The following DDX25 variants were observed in gnomAD, a reference collection of about 807,000 sequenced individuals.
The protein encoded by DDX25 is DEAD-box helicase 25.
In DDX25, 70 loss-of-function variants were observed where a neutral mutation model predicts 64.6. The ratio of observed to expected loss-of-function variants is 1.08; its 90% confidence interval spans 0.89 to 1.32. The LOEUF (loss-of-function observed/expected upper bound fraction) is 1.32, where lower values mean the gene tolerates loss of function less well. DDX25 is among the 40% of genes most tolerant of loss of function. The pLI is 0.00. For synonymous variants in DDX25, 211 were observed against 213.3 expected (o/e 0.99, Z 0.09); for missense variants, 587 against 604.4 (o/e 0.97, Z 0.30).
chr11:125,913,040 C>T (rs1452363108), intron 8 of DDX25, among the ~76,000 whole-genome samples: 3 of 151,884 alleles, frequency 2.0e-5, no homozygotes, highest in African/African-American at 7.3e-5. Context: ...CGCCTGTAGT[C>T]CCAGCTACTT....
In DDX25 at chr11:125,908,259, G is replaced by A. The variant is rs779334352; in HGVS notation, c.375G>A (p.Glu125=). 1.4e-5 allele frequency: 22 copies of A among 1,613,718 alleles called. No homozygotes were observed. Among genetic ancestry groups the A allele is most frequent in the Non-Finnish European group, 1.8e-5 (21 of 1,179,750 alleles). Residue 125 remains glutamate, a synonymous_variant, in exon 5 of 12, where the codon GAG becomes GAA. Coordinates refer to ENST00000263576, the MANE Select transcript of DDX25 (RefSeq NM_013264.5). ...TTAATAGGCCATCTAAAATCCAAGA[G>A]ATGGCTCTCCCTATGATGCTGGCAC... ...MGFNRPSKIQ[E]MALPMMLAHP...
intron 4 of DDX25, among the ~76,000 whole-genome samples, chr11:125,907,570 T>C (rs984012898): frequency 5.3e-5 from 8 of 151,788 alleles, no homozygotes; most frequent in South Asian, 2.1e-4. Context: ...GTCGCGCCAC[T>C]GCACTCCAGC....
upstream of DDX25, among the ~76,000 whole-genome samples, chr11:125,904,162 G>A (rs1944838678): frequency 6.6e-6 from 1 of 152,204 alleles, no homozygotes; most frequent in South Asian, 2.1e-4. Flanking sequence ...AGTCCGGGGG[G>A]CTCCCGCCTG....
chr11:125,904,616 G>A, intron 1 of DDX25, 36 bp downstream of exon 1: 2 of 1,431,290 alleles, frequency 1.4e-6, no homozygotes, highest in East Asian at 5.7e-5. Context: ...ACAGCCGCGG[G>A]GGTGGAGCTC....
chr11:125,909,147 C>T lies in DDX25; in HGVS notation c.507+644C>T, dbSNP rs559722960. 5.3e-5 allele frequency among the ~76,000 whole-genome samples: 8 copies of T among 152,196 alleles called. No homozygotes were observed. The South Asian group carries it at 1.2e-3, about 24-fold the overall frequency. ...TTTCCACTCATGAAAAGTATCTGGT[C>T]GTCTCTCCCTATTTGCTTGACAAGC... On this transcript the variant is annotated intron_variant, in intron 6 of 11. Coordinates refer to ENST00000263576, the MANE Select transcript of DDX25 (RefSeq NM_013264.5).
At chr11:125,916,924 G>A (rs1156948655) in intron 8 of DDX25, 90 bp from the exon 9 acceptor site, 2 of 1,252,040 alleles carry the variant, frequency 1.6e-6, no homozygotes, top group South Asian at 1.4e-5. Flanking sequence ...GAACAGGGGT[G>A]CGTGCAGCGG....
At position 125,911,421 on chromosome 11, in the gene DDX25, G is replaced by T. The variant is rs1944967543; in HGVS notation, c.733G>T (p.Val245Phe). The change falls in exon 8 of 12, where the codon GTC becomes TTC. Residue 245 changes from valine (V) to phenylalanine (F), a missense_variant. Val to Phe is a conservative substitution (Grantham distance 50). Transcript: ENST00000263576. ...TGATTTGACTAAGATTCGTGTGTTT[G>T]TCCTGGATGAAGCAGATGTGATGAT... Reference protein sequence around the residue: ...LIDLTKIRVFVLDEADVMIDT... With the variant: ...LIDLTKIRVFFLDEADVMIDT... 5.0e-6 allele frequency: 8 copies of T among 1,613,912 alleles called. No individual in the cohort carries two copies. The highest frequency in any genetic ancestry group is 5.1e-6 in the Non-Finnish European group (6 of 1,179,844).
At chr11:125,905,084 T>C in intron 1 of DDX25, 128 bp from the exon 2 acceptor site, 1 of 787,486 alleles carries the variant, frequency 1.3e-6, no homozygotes, top group Non-Finnish European at 2.1e-6. Context: ...TGCTGCTACC[T>C]AATATTGCAA....
At chr11:125,912,743 CTT>C (rs374233170) in intron 8 of DDX25, among the ~76,000 whole-genome samples, 21 of 142,148 alleles carry the variant, frequency 1.5e-4, no homozygotes, top group Admixed American at 7.0e-4. Flanking sequence ...ATTGCTTTTG[CTT>C]TTTTTTTTTC....
At chr11:125,904,405 G>A (rs1002624115), upstream of DDX25, 59 of 1,048,828 alleles carry the variant, frequency 5.6e-5, no homozygotes, top group Non-Finnish European at 5.9e-5. Context: ...GGTCGCGGGC[G>A]CGGACGCGGA....
rs369822190 is a variant in DDX25 at position 125,924,997 on chromosome 11, AT to A, written c.*2125del. The stretch of plus-strand genomic sequence containing the variant: ...AGGAACCTTTGTCTTTGTTGAGTAA[AT>A]TTTTTTTTCTTTTGCCACTTCCTCA... On this transcript the variant is annotated 3_prime_UTR_variant, in exon 12 of 12. Coordinates refer to ENST00000263576, the MANE Select transcript of DDX25 (RefSeq NM_013264.5). 5.5e-4 allele frequency: 91 copies of A among 165,326 alleles called. 1 individual carries two copies. The South Asian group carries it at 5.5e-3, about 10-fold the overall frequency. The allele number at this position is 165,326 out of a possible 1,614,324, so 10.2% of individuals were successfully genotyped here. A position where few individuals can be genotyped will look rare whatever the true frequency, so the allele number is the denominator to read the frequency against.
At chr11:125,904,618 G>A (rs1360939497) in intron 1 of DDX25, 38 bp downstream of exon 1, 3 of 1,429,350 alleles carry the variant, frequency 2.1e-6, no homozygotes, top group African/African-American at 1.5e-5. Flanking sequence ...AGCCGCGGGG[G>A]TGGAGCTCCC....
In DDX25 at chr11:125,924,826, C is replaced by T. The variant is rs1298189844; in HGVS notation, c.*1945C>T. ...GGCAGAGAGGCCCTTGGGGACAGAA[C>T]TTGTAACACATGGAACTCCTGCTGC... On this transcript the variant is annotated 3_prime_UTR_variant, in exon 12 of 12. Coordinates refer to ENST00000263576, the MANE Select transcript of DDX25 (RefSeq NM_013264.5). The T allele has an allele frequency of 6.6e-6, 1 of 152,378 alleles. No individual in the cohort carries two copies. The highest frequency in any genetic ancestry group is 2.1e-4 in the South Asian group (1 of 4,832). 9.4% of individuals were successfully genotyped at this position (152,378 alleles called of 1,614,324 possible).
In DDX25 at chr11:125,927,796, C is replaced by T. The variant is rs980662219; in HGVS notation, c.*4915C>T. The stretch of plus-strand genomic sequence containing the variant: ...CTCCCCATTCATGAGAGCATTCAAT[C>T]AATCAGAAGATGAATAGTTAATCAG... On this transcript the variant is annotated 3_prime_UTR_variant, in exon 12 of 12. Transcript: ENST00000263576. The T allele has an allele frequency of 6.6e-6, 1 of 152,128 alleles. No homozygotes were observed. The allele number at this position is 152,128 out of a possible 1,614,324, so 9.4% of individuals were successfully genotyped here.
In DDX25 at chr11:125,923,079, T is replaced by C. The variant is rs1291552129; in HGVS notation, c.*198T>C. 1.3e-5 allele frequency: 7 copies of C among 557,852 alleles called. No individual in the cohort carries two copies. In the East Asian group the frequency reaches 2.0e-4, roughly 16 times the overall value. 34.6% of individuals were successfully genotyped at this position (557,852 alleles called of 1,614,324 possible). A position where few individuals can be genotyped will look rare whatever the true frequency, so the allele number is the denominator to read the frequency against. On this transcript the variant is annotated 3_prime_UTR_variant, in exon 12 of 12. Transcript: ENST00000263576. ...ATGTGAAGCTTGTGATCCTTTTGAATAAAAAAAAGGCAAGATTATTTCTTA... is the reference window on the plus strand; with the variant it reads ...ATGTGAAGCTTGTGATCCTTTTGAACAAAAAAAAGGCAAGATTATTTCTTA...
intron 8 of DDX25, among the ~76,000 whole-genome samples, chr11:125,916,706 T>C (rs543312168): frequency 3.1e-4 from 47 of 152,378 alleles, no homozygotes; most frequent in Non-Finnish European, 5.3e-4. Context: ...GCATCTAGTC[T>C]ACCCTTCTTG....
upstream of DDX25, chr11:125,904,491 C>T (rs1449407784): frequency 2.3e-5 from 34 of 1,470,976 alleles, no homozygotes; most frequent in Non-Finnish European, 2.9e-5. Context: ...GAAGCACGTG[C>T]TGGGGGCGGG....
At chr11:125,910,340 C>G (rs1043110853) in intron 6 of DDX25, 24 bp from the exon 7 acceptor site, 1 of 1,599,682 alleles carries the variant, frequency 6.3e-7, no homozygotes, top group East Asian at 2.2e-5. Flanking sequence ...CTTTCTCCTC[C>G]CCTCTTCTCT....
rs566178287 is a variant in DDX25, at chr11:125,907,472, G to A, written c.312-724G>A. Among the ~76,000 whole-genome samples the A allele has an allele frequency of 1.8e-3, 271 of 152,156 alleles. 1 individual carries two copies. Among genetic ancestry groups the A allele is most frequent in the Non-Finnish European group, 3.1e-3 (209 of 67,942 alleles). On this transcript the variant is annotated intron_variant, in intron 4 of 11. Coordinates refer to ENST00000263576, the MANE Select transcript of DDX25 (RefSeq NM_013264.5). ...AAATACAAAAAATTAGCCAGGTGTG[G>A]TGGCGGGCGCCTGTAGTCCTAGCTA... is the stretch of plus-strand genomic sequence containing the variant.
Sources: gnomAD v4.1 joint callset for allele counts (sites outside exome capture counted in the v4.1 genomes callset) on GRCh38, gnomAD v4.1.1 for gene constraint, MANE v1.5 for transcripts, NCBI Gene and HGNC (gene_info 2026-07-23, HGNC 2026-07-21) for gene names.